The following SHOC1 variants were observed in gnomAD, a reference collection of about 807,000 sequenced individuals.
SHOC1 encodes the protein protein shortage in chiasmata 1 ortholog.
A neutral mutation model predicts 179.2 loss-of-function variants in SHOC1; 136 were observed. The ratio of observed to expected loss-of-function variants is 0.76; its 90% confidence interval spans 0.66 to 0.87. SHOC1 has a LOEUF of 0.87. Among genes scored for constraint, SHOC1 ranks in the 40% least tolerant of loss-of-function variants. SHOC1 has a pLI of 0.00. For synonymous variants in SHOC1, 489 were observed against 586.6 expected, an observed-to-expected ratio of 0.83 and a Z score of 2.41; for missense variants, 1,538 against 1,700.8, an observed-to-expected ratio of 0.90 and a Z score of 1.68.
Position 111,700,041 on chromosome 9 carries a change from C to T in SHOC1, c.3096G>A (p.Leu1032=), listed in dbSNP as rs932344296. The T allele has an allele frequency of 2.7e-5, 41 of 1,518,144 alleles. 1 individual carries two copies. Among genetic ancestry groups the T allele is most frequent in the South Asian group, 2.2e-4 (19 of 84,888 alleles). The allele number at this position is 1,518,144 out of a possible 1,614,324, so 94.0% of individuals were successfully genotyped here. A position where few individuals can be genotyped will look rare whatever the true frequency, so the allele number is the denominator to read the frequency against. The stretch of plus-strand genomic sequence containing the variant: ...GGTGATGAAGTGTCTTTTCTGTAAG[C>T]AGATACCTACAAAGAATTATATTAC... ...YTKETLNSEY[L]LTEKTLHHLA... is the part of the protein sequence containing the mutation. The change falls in exon 24 of 28, where the codon CTG becomes CTA. Residue 1032 remains leucine (L), a synonymous_variant. Transcript: ENST00000682961.
At chr9:111,727,608 G>T (rs373801572) in intron 13 of SHOC1, 25 bp downstream of exon 13, 2 of 1,529,918 alleles carry the variant, frequency 1.3e-6, no homozygotes, top group South Asian at 1.4e-5. Flanking sequence ...CCATATCTAC[G>T]GCAAAATATT....
chr9:111,690,439 C>T (rs1201118804), intron 27 of SHOC1, among the ~76,000 whole-genome samples: 1 of 151,996 alleles, frequency 6.6e-6, no homozygotes, highest in Non-Finnish European at 1.5e-5. Context: ...AACAAAAAAT[C>T]TCTTAGACAA....
intron 12 of SHOC1, among the ~76,000 whole-genome samples, chr9:111,737,688 ACCCC>A (rs34813776): frequency 8.1e-5 from 12 of 147,806 alleles, no homozygotes; most frequent in Admixed American, 2.0e-4. Context: ...ATAAAAACAA[ACCCC>A]CCCCCCCACA....
intron 5 of SHOC1, chr9:111,759,510 C>G (rs911056267): frequency 8.3e-7 from 1 of 1,212,002 alleles, no homozygotes; most frequent in Non-Finnish European, 1.0e-6. Flanking sequence ...GTCTGGGTTT[C>G]TTTAGAATCT....
At chr9:111,728,958 T>C (rs1482804611) in intron 12 of SHOC1, among the ~76,000 whole-genome samples, 1 of 152,274 alleles carries the variant, frequency 6.6e-6, no homozygotes, top group East Asian at 1.9e-4. Flanking sequence ...GTAAAAGTTA[T>C]GTTTATGCTA....
intron 14 of SHOC1, among the ~76,000 whole-genome samples, chr9:111,723,423 T>C (rs1833155049): frequency 6.6e-6 from 1 of 152,180 alleles, no homozygotes; most frequent in South Asian, 2.1e-4. Context: ...TAGGAATCAA[T>C]AGAAACTTAT....
At chr9:111,747,365 AATG>A (rs1182737544) in intron 9 of SHOC1, among the ~76,000 whole-genome samples, 1 of 152,196 alleles carries the variant, frequency 6.6e-6, no homozygotes, top group East Asian at 1.9e-4. Flanking sequence ...TATTAACAAT[AATG>A]ATGACATAGA....
At position 111,775,811 on chromosome 9, in the gene SHOC1, G is replaced by A. The variant is rs755980985; in HGVS notation, c.422C>T (p.Ala141Val). 121 of 1,608,152 alleles carry A rather than the reference G, an allele frequency of 7.5e-5. No homozygotes were observed. Among genetic ancestry groups the A allele is most frequent in the Non-Finnish European group, 9.6e-5 (113 of 1,178,526 alleles). Residue 141 changes from alanine to valine, a missense_variant, in exon 5 of 28, where the codon GCA (alanine) becomes GTA (valine). Transcript: ENST00000682961. Reference sequence around the variant, plus strand: ...TTTACCTTGGTTCTGGTTTTGAAGTGCTGAACATTTTTCTAAACAACTGAC... The same window carrying A: ...TTTACCTTGGTTCTGGTTTTGAAGTACTGAACATTTTTCTAAACAACTGAC... The part of the protein sequence containing the change: ...TPVSCLEKCS[A>V]LQNQNQDLFI...
intron 14 of SHOC1, 104 bp from the exon 15 acceptor site, chr9:111,722,689 A>C (rs1833119611): frequency 1.1e-5 from 10 of 870,118 alleles, no homozygotes; most frequent in Non-Finnish European, 1.7e-5. Flanking sequence ...CTTCTATCTG[A>C]ATTATTTTCT....
chr9:111,693,513 A>G (rs1166535082), intron 26 of SHOC1, among the ~76,000 whole-genome samples: 1 of 151,044 alleles, frequency 6.6e-6, no homozygotes, highest in Non-Finnish European at 1.5e-5. Context: ...TGAGGCAGGA[A>G]AATCTCTTGA....
At chr9:111,708,911 G>A (rs896220999) in intron 18 of SHOC1, among the ~76,000 whole-genome samples, 11 of 152,090 alleles carry the variant, frequency 7.2e-5, no homozygotes, top group Admixed American at 5.2e-4. Flanking sequence ...TAAAGTTGAC[G>A]AAGGTGTGAT....
In SHOC1 at chr9:111,692,376, A is replaced by G; in HGVS notation, c.3601T>C (p.Ser1201Pro). 1 of 1,613,544 alleles carries G rather than the reference A, an allele frequency of 6.2e-7. No individual in the cohort carries two copies. The highest frequency in any genetic ancestry group is 8.5e-7 in the Non-Finnish European group (1 of 1,179,640). Reference sequence around the variant, plus strand: ...TATTCATTATGTTCTTGAATGACAGAGTCTAAATCAGAAGCTGAACTTTGA... The same window carrying G: ...TATTCATTATGTTCTTGAATGACAGGGTCTAAATCAGAAGCTGAACTTTGA... The part of the protein sequence containing the change: ...SSQSSASDLD[S>P]VIQEHNEYYQ... Residue 1201 changes from serine to proline, a missense_variant, in exon 27 of 28, where the codon TCT becomes CCT. Transcript: ENST00000682961.
rs184102207 is a variant in SHOC1, at chr9:111,793,971, C to G, written c.-37+929G>C. Among the ~76,000 whole-genome samples, 1,368 of 152,144 alleles carry G rather than the reference C, an allele frequency of 9.0e-3. 9 individuals carry two copies. Among genetic ancestry groups the G allele is most frequent in the Non-Finnish European group, 0.014 (972 of 67,992 alleles). ...GGTTCAAGCGATTCTCCTGCCTCAG[C>G]CTCCCGAGTAGCTGGGATTACAGGC... On this transcript the variant is annotated intron_variant, in intron 1 of 27. Transcript: ENST00000682961.
chr9:111,740,078 G>C (rs1833966900), intron 11 of SHOC1, among the ~76,000 whole-genome samples: 1 of 152,154 alleles, frequency 6.6e-6, no homozygotes, highest in Non-Finnish European at 1.5e-5. Flanking sequence ...CAGTACTTAA[G>C]AGAAATTTTT....
At chr9:111,787,791 C>G (rs1452636491) in intron 2 of SHOC1, among the ~76,000 whole-genome samples, 1 of 152,116 alleles carries the variant, frequency 6.6e-6, no homozygotes, top group Admixed American at 6.6e-5. Context: ...GCACTGCATG[C>G]TACAGAGAAA....
intron 13 of SHOC1, among the ~76,000 whole-genome samples, chr9:111,726,234 T>A (rs1159955786): frequency 6.6e-6 from 1 of 152,168 alleles, no homozygotes; most frequent in African/African-American, 2.4e-5. Context: ...AAGTTGAATA[T>A]GTAGAAATAG....
intron 25 of SHOC1, 25 bp from the exon 26 acceptor site, chr9:111,693,973 C>G: frequency 6.4e-7 from 1 of 1,574,474 alleles, no homozygotes; most frequent in Admixed American, 1.7e-5. Context: ...AAGAAATAAT[C>G]AGTCAGTAGT....
In SHOC1 at chr9:111,758,080, C is replaced by A. The variant is rs1186429895; in HGVS notation, c.708+4G>T. The A allele has an allele frequency of 1.4e-6, 2 of 1,423,492 alleles. No homozygotes were observed. Among genetic ancestry groups the A allele is most frequent in the Non-Finnish European group, 1.9e-6 (2 of 1,036,848 alleles). The allele number at this position is 1,423,492 out of a possible 1,614,324, so 88.2% of individuals were successfully genotyped here. On this transcript the variant is annotated splice_donor_region_variant and intron_variant, in intron 7 of 27. Transcript: ENST00000682961. ...AAAATATTATTGAAAGCCAGTATTA[C>A]AACCTCATTTAAACATATTGTATCT...
chr9:111,750,895 G>A lies in SHOC1; in HGVS notation c.863-2696C>T, dbSNP rs137932171. On this transcript the variant is annotated intron_variant, in intron 8 of 27. Coordinates refer to ENST00000682961, the MANE Select transcript of SHOC1 (RefSeq NM_001378211.1). Reference sequence around the variant, plus strand: ...TGCTTTTATTGCAATTGCTTTTGGCGTTTTCGTCATGCAATCTTTTCCCAT... The same window carrying A: ...TGCTTTTATTGCAATTGCTTTTGGCATTTTCGTCATGCAATCTTTTCCCAT... Among the ~76,000 whole-genome samples, 196 of 152,174 alleles carry A rather than the reference G, an allele frequency of 1.3e-3. 1 individual carries two copies. The highest frequency in any genetic ancestry group is 2.0e-3 in the African/African-American group (84 of 41,514).
Sources: gnomAD v4.1 joint callset for allele counts (sites outside exome capture counted in the v4.1 genomes callset) on GRCh38, gnomAD v4.1.1 for gene constraint, MANE v1.5 for transcripts, NCBI Gene and HGNC (gene_info 2026-07-23, HGNC 2026-07-21) for gene names.